The following NFIB variants were observed in gnomAD, a reference collection of about 807,000 sequenced individuals.
NFIB encodes the protein nuclear factor 1 B-type.
A neutral mutation model predicts 61.5 loss-of-function variants in NFIB; 11 were observed. The observed-to-expected ratio is 0.18, with a 90% confidence interval of 0.11 to 0.30. NFIB has a LOEUF of 0.30. Among genes scored for constraint, NFIB ranks in the 10% least tolerant of loss-of-function variants. The pLI, the probability that NFIB is intolerant of heterozygous loss-of-function variation, is 1.00. For missense variants in NFIB, 471 were observed against 608.9 expected, an observed-to-expected ratio of 0.77 and a Z score of 2.38; for synonymous variants, 260 against 216.5, an observed-to-expected ratio of 1.20 and a Z score of -1.76.
the NFIB span, among the ~76,000 whole-genome samples, chr9:14,475,755 C>T: frequency 6.6e-6 from 1 of 152,136 alleles, no homozygotes; most frequent in Non-Finnish European, 1.5e-5. Context: ...TTTCCAAAGA[C>T]CTCTTCTCAT....
intron 5 of NFIB, among the ~76,000 whole-genome samples, chr9:14,147,673 T>C (rs918011856): frequency 2.2e-4 from 27 of 121,856 alleles, no homozygotes; most frequent in Non-Finnish European, 3.9e-4. Context: ...TGGGTCTCAC[T>C]CTTTCACCTA....
At chr9:14,515,365 C>CTGAGTT in the NFIB span, among the ~76,000 whole-genome samples, 1 of 152,178 alleles carries the variant, frequency 6.6e-6, no homozygotes, top group Non-Finnish European at 1.5e-5. Context: ...CCTGAGCTCT[C>CTGAGTT]CGAGTTCTCA....
At chr9:14,338,220 C>T (rs1244157632) in intron 1 of NFIB, among the ~76,000 whole-genome samples, 2 of 152,020 alleles carry the variant, frequency 1.3e-5, no homozygotes, top group Admixed American at 6.6e-5. Context: ...CGGTGAAACC[C>T]CATCTCTACT....
the NFIB span, among the ~76,000 whole-genome samples, chr9:14,409,407 G>A: frequency 4.6e-5 from 7 of 152,146 alleles, no homozygotes; most frequent in African/African-American, 1.7e-4. Context: ...GCAGGGGAGG[G>A]TTCACAAACA....
intron 2 of NFIB, among the ~76,000 whole-genome samples, chr9:14,283,251 C>G (rs540327394): frequency 6.6e-5 from 10 of 152,306 alleles, no homozygotes; most frequent in African/African-American, 2.4e-4. Context: ...TGGGGAATGA[C>G]TCGCATCAGC....
chr9:14,426,572 AG>A, the NFIB span, among the ~76,000 whole-genome samples: 1 of 152,230 alleles, frequency 6.6e-6, no homozygotes, highest in African/African-American at 2.4e-5. Context: ...AGCAGAAAAA[AG>A]GAAAAACTTA....
intron 5 of NFIB, among the ~76,000 whole-genome samples, chr9:14,147,971 A>T (rs2042454073): frequency 6.6e-6 from 1 of 151,976 alleles, no homozygotes; most frequent in African/African-American, 2.4e-5. Context: ...TGGAAATATG[A>T]CTCATCTCAA....
At chr9:14,416,771 G>A in the NFIB span, among the ~76,000 whole-genome samples, 1,251 of 151,870 alleles carry the variant, frequency 8.2e-3, 18 homozygotes, top group African/African-American at 0.028. Flanking sequence ...CTACAGTAGT[G>A]TACAGTAAAG....
intron 2 of NFIB, among the ~76,000 whole-genome samples, chr9:14,256,705 A>G (rs2056248288): frequency 2.6e-5 from 4 of 152,190 alleles, no homozygotes; most frequent in Admixed American, 2.6e-4. Context: ...GAGCTCATAA[A>G]ACTGGACCCA....
chr9:14,313,454 A>G lies in NFIB; in HGVS notation c.30+28T>C, dbSNP rs1310050966. 1 of 1,613,658 alleles carries G rather than the reference A, an allele frequency of 6.2e-7. No individual in the cohort carries two copies. Among genetic ancestry groups the G allele is most frequent in the South Asian group, 1.1e-5 (1 of 91,038 alleles). On this transcript the variant is annotated intron_variant, in intron 1 of 10. Transcript: ENST00000380953. The surrounding 1 kb of genome is among the most constrained non-coding windows in gnomAD (Gnocchi z 4.5). ...CAAAGGCATTTCGGGCCAGAGAGAA[A>G]GCTCGAGAAAGCGACCGAGACATGT...
chr9:14,320,739 G>A (rs570478688), intron 1 of NFIB, among the ~76,000 whole-genome samples: 2 of 152,224 alleles, frequency 1.3e-5, no homozygotes, highest in South Asian at 4.2e-4. Context: ...AACCACATAA[G>A]CATGCGTGTG....
At chr9:14,268,511 T>C (rs2057379458) in intron 2 of NFIB, among the ~76,000 whole-genome samples, 1 of 152,222 alleles carries the variant, frequency 6.6e-6, no homozygotes, top group South Asian at 2.1e-4. Flanking sequence ...TTTCTTGTGC[T>C]GTTTCCTGCC....
the NFIB span, among the ~76,000 whole-genome samples, chr9:14,528,866 G>C: frequency 1.3e-5 from 2 of 152,126 alleles, no homozygotes; most frequent in Admixed American, 1.3e-4. Flanking sequence ...TAATGAAATA[G>C]TGCTGTTTAG....
intron 1 of NFIB, among the ~76,000 whole-genome samples, chr9:14,343,279 C>T (rs2060974301): frequency 6.6e-6 from 1 of 152,158 alleles, no homozygotes; most frequent in African/African-American, 2.4e-5. Context: ...AAGACCTCTA[C>T]CCCGGTGCCA....
At chr9:14,367,753 A>T (rs976469389) in intron 1 of NFIB, among the ~76,000 whole-genome samples, 2 of 152,210 alleles carry the variant, frequency 1.3e-5, no homozygotes, top group Non-Finnish European at 2.9e-5. Context: ...GCTGGAAACC[A>T]TCATTCTCAG....
At chr9:14,476,570 GC>G in the NFIB span, among the ~76,000 whole-genome samples, 1 of 152,122 alleles carries the variant, frequency 6.6e-6, no homozygotes, top group Non-Finnish European at 1.5e-5. Context: ...CTTTCTAGAT[GC>G]TTTTTATTGC....
In NFIB at chr9:14,275,740, G is replaced by T. The variant is rs185328888; in HGVS notation, c.562+31249C>A. 1.1e-3 allele frequency among the ~76,000 whole-genome samples: 173 copies of T among 152,172 alleles called. 2 individuals carry two copies. The highest frequency in any genetic ancestry group is 4.0e-3 in the African/African-American group (166 of 41,544). On this transcript the variant is annotated intron_variant, in intron 2 of 10. Transcript: ENST00000380953. ...AGAAAAGAGATGCTACATTCCTGTG[G>T]CAATTTTCAAATGGCACTAAAAATA...
the NFIB span, among the ~76,000 whole-genome samples, chr9:14,476,587 G>T: frequency 6.6e-6 from 1 of 152,040 alleles, no homozygotes; most frequent in Non-Finnish European, 1.5e-5. Flanking sequence ...ATTGCTTCAG[G>T]ATTATTTCTC....
At chr9:14,327,511 G>T (rs989478981) in intron 1 of NFIB, among the ~76,000 whole-genome samples, 1 of 152,126 alleles carries the variant, frequency 6.6e-6, no homozygotes, top group African/African-American at 2.4e-5. Flanking sequence ...CTGGACCTTG[G>T]GCTGGGTGCT....
Sources: gnomAD v4.1 joint callset for allele counts (sites outside exome capture counted in the v4.1 genomes callset) on GRCh38, gnomAD v4.1.1 for gene constraint, Gnocchi (gnomAD v3.1) non-coding constraint, MANE v1.5 for transcripts, NCBI Gene and HGNC (gene_info 2026-07-23, HGNC 2026-07-21) for gene names.